DNER: variants seen among roughly 807,000 people sequenced by gnomAD.
DNER encodes delta and Notch-like epidermal growth factor-related receptor.
A neutral mutation model predicts 78.2 loss-of-function variants in DNER; 33 were observed. The observed-to-expected ratio is 0.42, with a 90% CI of 0.32 to 0.56. The LOEUF (loss-of-function observed/expected upper bound fraction) is 0.56, where lower values mean the gene tolerates loss of function less well. Among genes scored for constraint, DNER ranks in the 20% least tolerant of loss-of-function variants. The pLI is 0.11. For synonymous variants in DNER, 417 were observed against 384.8 expected (o/e 1.08, Z -0.98); for missense variants, 918 against 975.3 (o/e 0.94, Z 0.78).
chr2:229,675,379 C>T (rs111391814), intron 1 of DNER, among the ~76,000 whole-genome samples: 54 of 152,330 alleles, frequency 3.5e-4, no homozygotes, highest in African/African-American at 1.3e-3. Context: ...AACTGCCAGG[C>T]ACTGTCAGTT....
At chr2:229,625,795 G>A (rs1379954440) in intron 1 of DNER, among the ~76,000 whole-genome samples, 1 of 152,136 alleles carries the variant, frequency 6.6e-6, no homozygotes, top group African/African-American at 2.4e-5. Context: ...TTGAAGGACA[G>A]CAAAAAGGTC....
At chr2:229,690,300 TGCCTATAAA>T (rs1427674041) in intron 1 of DNER, among the ~76,000 whole-genome samples, 1 of 152,210 alleles carries the variant, frequency 6.6e-6, no homozygotes, top group Non-Finnish European at 1.5e-5. Flanking sequence ...TTTCTTCTTT[TGCCTATAAA>T]GCAAAATATG....
intron 5 of DNER, among the ~76,000 whole-genome samples, chr2:229,536,542 G>A (rs1353495670): frequency 6.6e-6 from 1 of 152,130 alleles, no homozygotes; most frequent in Admixed American, 6.5e-5. Context: ...ATTTCCAGTG[G>A]CTCTCACATA....
intron 9 of DNER, among the ~76,000 whole-genome samples, chr2:229,416,527 G>T (rs576552175): frequency 1.3e-5 from 2 of 152,266 alleles, no homozygotes; most frequent in Non-Finnish European, 2.9e-5. Flanking sequence ...CAAAAAATGG[G>T]GGGGCCAGCT....
intron 11 of DNER, among the ~76,000 whole-genome samples, chr2:229,367,376 G>A (rs183175181): frequency 0.012 from 1,869 of 152,088 alleles, 29 homozygotes; most frequent in South Asian, 0.084. Context: ...TGAGGCAGGT[G>A]GATCACTTGA....
chr2:229,651,165 A>T (rs1320296080), intron 1 of DNER, among the ~76,000 whole-genome samples: 1 of 152,182 alleles, frequency 6.6e-6, no homozygotes, highest in Non-Finnish European at 1.5e-5. Flanking sequence ...ACTGCTTCCC[A>T]GAGCCTCCCT....
intron 9 of DNER, among the ~76,000 whole-genome samples, chr2:229,413,204 T>TA (rs1693561487): frequency 6.6e-6 from 1 of 152,070 alleles, no homozygotes; most frequent in African/African-American, 2.4e-5. Context: ...GTTTTGGTTA[T>TA]CTGTCCATTC....
intron 1 of DNER, among the ~76,000 whole-genome samples, chr2:229,690,069 T>C (rs1699542669): frequency 6.6e-6 from 1 of 152,266 alleles, no homozygotes; most frequent in Non-Finnish European, 1.5e-5. Context: ...TATTCATGAG[T>C]AAATCTTCCA....
At chr2:229,424,744 A>T (rs1693838088) in intron 8 of DNER, among the ~76,000 whole-genome samples, 1 of 152,152 alleles carries the variant, frequency 6.6e-6, no homozygotes, top group African/African-American at 2.4e-5. Context: ...TTTGGGGTGG[A>T]GGGCCTAATT....
intron 7 of DNER, among the ~76,000 whole-genome samples, chr2:229,463,194 G>T (rs1694738355): frequency 1.3e-5 from 2 of 152,100 alleles, no homozygotes; most frequent in South Asian, 4.1e-4. Context: ...ATCCAGCACA[G>T]TGTCTGAGCT....
rs185098914 is a variant in DNER, at chr2:229,443,274, T to C, written c.1486+4042A>G. ...CCTTCCTGCCAGGGACTCCTTCCAATACCGGTCATGTACAGCTATTATCTG... is the reference window on the plus strand; with the variant it reads ...CCTTCCTGCCAGGGACTCCTTCCAACACCGGTCATGTACAGCTATTATCTG... On this transcript the variant is annotated intron_variant, in intron 8 of 12. Transcript: ENST00000341772. Among the ~76,000 whole-genome samples the C allele has an allele frequency of 3.2e-3, 482 of 152,200 alleles. 1 individual carries two copies. The highest frequency in any genetic ancestry group is 0.011 in the African/African-American group (450 of 41,518).
chr2:229,568,632 T>C (rs1697156489), intron 4 of DNER, among the ~76,000 whole-genome samples: 1 of 152,250 alleles, frequency 6.6e-6, no homozygotes, highest in African/African-American at 2.4e-5. Context: ...TTTCTAATTC[T>C]AAATGTTTCT....
chr2:229,646,450 T>C lies in DNER; in HGVS notation c.277-54562A>G, dbSNP rs1024113255. Among the ~76,000 whole-genome samples the C allele has an allele frequency of 1.5e-3, 235 of 152,342 alleles. 4 individuals carry two copies. Among genetic ancestry groups the C allele is most frequent in the Non-Finnish European group, 3.5e-4 (24 of 68,028 alleles). ...TAAGTCAAACAACCATAAATTTGCA[T>C]TTGTATTTTGCTGATGCTGACCAAG... On this transcript the variant is annotated intron_variant, in intron 1 of 12. Transcript: ENST00000341772.
rs771133192 is a variant in DNER, at chr2:229,714,254, C to G, written c.170G>C (p.Gly57Ala). 6 of 1,411,260 alleles carry G rather than the reference C, an allele frequency of 4.3e-6. No individual in the cohort carries two copies. Among genetic ancestry groups the G allele is most frequent in the East Asian group, 3.1e-5 (1 of 32,668 alleles). The allele number at this position is 1,411,260 out of a possible 1,614,324, so 87.4% of individuals were successfully genotyped here. ...CGGCTCAGGGCGCGAGGTGCACACA[C>G]CCCCATTCCGGCAGGGCTGCGCGGC... ...PCAAQPCRNG[G>A]VCTSRPEPDP... Residue 57 changes from glycine (G) to alanine (A), a missense_variant, in exon 1 of 13, where the codon GGT becomes GCT. By Grantham distance (60) the Gly-to-Ala change is moderately conservative. Coordinates refer to ENST00000341772, the MANE Select transcript of DNER (RefSeq NM_139072.4).
intron 5 of DNER, among the ~76,000 whole-genome samples, chr2:229,525,136 C>A (rs534031170): frequency 6.6e-6 from 1 of 152,198 alleles, no homozygotes; most frequent in African/African-American, 2.4e-5. Context: ...AAAAAATATG[C>A]GTGTGTCTCA....
intron 4 of DNER, 143 bp downstream of exon 4, chr2:229,585,714 TA>T: frequency 2.3e-6 from 2 of 862,422 alleles, no homozygotes; most frequent in Non-Finnish European, 3.5e-6. Flanking sequence ...GTTTTTATTC[TA>T]AAACCTTACC....
At chr2:229,639,912 A>G (rs1698587808) in intron 1 of DNER, among the ~76,000 whole-genome samples, 1 of 152,198 alleles carries the variant, frequency 6.6e-6, no homozygotes, top group African/African-American at 2.4e-5. Context: ...CCAGAATGCA[A>G]GCTCTGGCTT....
At chr2:229,623,069 T>C (rs1031339829) in intron 1 of DNER, among the ~76,000 whole-genome samples, 25 of 152,170 alleles carry the variant, frequency 1.6e-4, no homozygotes, top group African/African-American at 6.0e-4. Flanking sequence ...CTTTCCAGCA[T>C]GTTTAATCCT....
At chr2:229,406,208 G>T (rs942260871) in intron 10 of DNER, among the ~76,000 whole-genome samples, 2 of 152,170 alleles carry the variant, frequency 1.3e-5, no homozygotes, top group African/African-American at 2.4e-5. Context: ...TGGCTTAGCA[G>T]GGGAGAGGTG....
Sources: gnomAD v4.1 joint callset for allele counts (sites outside exome capture counted in the v4.1 genomes callset) on GRCh38, gnomAD v4.1.1 for gene constraint, MANE v1.5 for transcripts, NCBI Gene and HGNC (gene_info 2026-07-23, HGNC 2026-07-21) for gene names.